CSMD1: variants seen among roughly 807,000 people sequenced by gnomAD.
CSMD1 encodes CUB and sushi domain-containing protein 1.
In CSMD1, 213 loss-of-function variants were observed where a neutral mutation model predicts 417.5. The ratio of observed to expected loss-of-function variants is 0.51; its 90% CI spans 0.46 to 0.57. CSMD1 has a LOEUF of 0.57. Among genes scored for constraint, CSMD1 ranks in the 20% least tolerant of loss-of-function variants. The pLI, the probability that CSMD1 is intolerant of heterozygous loss-of-function variation, is 0.00. For synonymous variants in CSMD1, 2,862 were observed against 1,736.8 expected (o/e 1.65, Z -16.11); for missense variants, 6,923 against 4,529.7 (o/e 1.53, Z -15.17).
intron 2 of CSMD1, among the ~76,000 whole-genome samples, chr8:4,433,517 C>G (rs931730297): frequency 8.5e-5 from 13 of 152,142 alleles, no homozygotes; most frequent in Non-Finnish European, 7.3e-5. Context: ...CAAGGCAGCC[C>G]CAGATCCCCC....
At chr8:4,043,782 T>TTA (rs1798011308) in intron 3 of CSMD1, among the ~76,000 whole-genome samples, 1 of 152,182 alleles carries the variant, frequency 6.6e-6, no homozygotes, top group Non-Finnish European at 1.5e-5. Context: ...CTGGAACGCT[T>TTA]TATATATGGT....
At chr8:4,442,512 C>G (rs372520491) in intron 2 of CSMD1, among the ~76,000 whole-genome samples, 1 of 152,028 alleles carries the variant, frequency 6.6e-6, no homozygotes, top group Non-Finnish European at 1.5e-5. Flanking sequence ...GATGTTATTC[C>G]TTATGTCTGT....
At chr8:3,675,285 G>T (rs558020383) in intron 7 of CSMD1, among the ~76,000 whole-genome samples, 2 of 152,160 alleles carry the variant, frequency 1.3e-5, no homozygotes, top group African/African-American at 4.8e-5. Context: ...CCTGCTCCTG[G>T]AGGGTTGGCA....
Position 4,042,815 on chromosome 8 carries a change from T to TAAAAAAAAAAAAAAAAA in CSMD1, c.416-10733_416-10717dup, listed in dbSNP as rs60411612. Among the ~76,000 whole-genome samples, 319 of 41,302 alleles carry TAAAAAAAAAAAAAAAAA rather than the reference T, an allele frequency of 7.7e-3. 78 individuals are homozygous for TAAAAAAAAAAAAAAAAA. The highest frequency in any genetic ancestry group is 0.048 in the Middle Eastern group (2 of 42). The allele number at this position is 41,302 out of a possible 152,430, so 27.1% of individuals were successfully genotyped here. On this transcript the variant is annotated intron_variant, in intron 3 of 69. Coordinates refer to ENST00000635120, the MANE Select transcript of CSMD1 (RefSeq NM_033225.6). ...CAATAGGTGAAGTGGTACAACATAT[T>TAAAAAAAAAAAAAAAAA]AAAAAAAAAAAAAAAAAAAAAAAAA...
chr8:3,014,397 C>G (rs1808664419), intron 52 of CSMD1, among the ~76,000 whole-genome samples: 1 of 152,118 alleles, frequency 6.6e-6, no homozygotes, highest in Non-Finnish European at 1.5e-5. Flanking sequence ...TTTTTGATAG[C>G]TAGCTTCTTT....
At chr8:4,405,313 GT>G (rs1367608814) in intron 3 of CSMD1, among the ~76,000 whole-genome samples, 6 of 151,648 alleles carry the variant, frequency 4.0e-5, no homozygotes, top group Non-Finnish European at 8.8e-5. Context: ...CTTCCACTTA[GT>G]TTTTTTCTCA....
intron 36 of CSMD1, among the ~76,000 whole-genome samples, chr8:3,182,611 TGTGTGTGTG>T (rs1821417570): frequency 1.6e-5 from 1 of 63,890 alleles, no homozygotes; most frequent in Non-Finnish European, 5.1e-5. Context: ...TGTGTGTGTG[TGTGTGTGTG>T]TGTGTGTGTG....
intron 3 of CSMD1, among the ~76,000 whole-genome samples, chr8:4,379,849 A>G (rs985966073): frequency 3.3e-5 from 5 of 152,194 alleles, no homozygotes; most frequent in African/African-American, 1.2e-4. Context: ...GATCCCTGCT[A>G]GGAGACAGTG....
chr8:3,201,843 TA>T (rs5888954), intron 31 of CSMD1, 118 bp from the exon 32 acceptor site: 411,930 of 448,036 alleles, frequency 0.92, 190,238 homozygotes, highest in Non-Finnish European at 0.95. Context: ...AAGAATTTGG[TA>T]AAAAAATAAA....
intron 1 of CSMD1, among the ~76,000 whole-genome samples, chr8:4,759,911 T>G (rs1438487809): frequency 6.6e-6 from 1 of 152,228 alleles, no homozygotes; most frequent in African/African-American, 2.4e-5. Flanking sequence ...GACTTATATT[T>G]CTTTGGGTAT....
intron 5 of CSMD1, among the ~76,000 whole-genome samples, chr8:3,922,506 G>A (rs1270755116): frequency 6.6e-6 from 1 of 151,852 alleles, no homozygotes; most frequent in Admixed American, 6.6e-5. Flanking sequence ...TGTATTCATA[G>A]GCTTTGATTC....
intron 5 of CSMD1, among the ~76,000 whole-genome samples, chr8:3,856,074 T>C (rs1030317970): frequency 6.6e-6 from 1 of 152,168 alleles, no homozygotes; most frequent in Admixed American, 6.6e-5. Flanking sequence ...GGTTTGGATC[T>C]GTGTTCCCAC....
rs573840332 is a variant in CSMD1, at chr8:3,310,629, G to C, written c.3632-2126C>G. ...AAATCGGGGTGTAAAAAACTTTTGA[G>C]TTCAGCATCTATCCCTATGATCAGT... On this transcript the variant is annotated intron_variant, in intron 23 of 69. Transcript: ENST00000635120. Among the ~76,000 whole-genome samples the C allele has an allele frequency of 6.6e-5, 10 of 152,304 alleles. No homozygotes were observed. In the East Asian group the frequency reaches 1.7e-3, roughly 26 times the overall value.
intron 5 of CSMD1, among the ~76,000 whole-genome samples, chr8:3,881,307 T>C (rs1463078130): frequency 3.3e-5 from 5 of 150,628 alleles, no homozygotes; most frequent in South Asian, 4.2e-4. Flanking sequence ...AATATTTCCA[T>C]TGAAGCAAAG....
At chr8:3,959,013 C>G (rs1157471880) in intron 5 of CSMD1, among the ~76,000 whole-genome samples, 1 of 152,208 alleles carries the variant, frequency 6.6e-6, no homozygotes, top group Non-Finnish European at 1.5e-5. Context: ...CTCCTCCCTA[C>G]TCTGCGGCGG....
intron 2 of CSMD1, among the ~76,000 whole-genome samples, chr8:4,523,272 G>A (rs1388573446): frequency 6.6e-6 from 1 of 152,144 alleles, no homozygotes; most frequent in Admixed American, 6.5e-5. Context: ...CAAATCATTT[G>A]CCATACCTGG....
At chr8:3,729,883 C>G (rs1370968011) in intron 6 of CSMD1, among the ~76,000 whole-genome samples, 1 of 133,298 alleles carries the variant, frequency 7.5e-6, no homozygotes, top group Admixed American at 8.4e-5. Context: ...TCACACTGTA[C>G]TCCCCAAATC....
intron 1 of CSMD1, among the ~76,000 whole-genome samples, chr8:4,795,391 C>T (rs969740702): frequency 6.7e-6 from 1 of 149,192 alleles, no homozygotes; most frequent in Non-Finnish European, 1.5e-5. Context: ...CCTGCCTCAG[C>T]CTTCCGAGTA....
intron 29 of CSMD1, 25 bp downstream of exon 29, chr8:3,219,230 A>G (rs967620633): frequency 3.2e-6 from 5 of 1,556,324 alleles, no homozygotes; most frequent in Non-Finnish European, 4.4e-6. Flanking sequence ...ATTAATTCCC[A>G]CTCAAATTCA....
Sources: allele counts gnomAD v4.1 joint callset (sites outside exome capture counted in the v4.1 genomes callset), GRCh38; gene constraint gnomAD v4.1.1; transcripts MANE v1.5; gene names NCBI Gene and HGNC (gene_info 2026-07-23, HGNC 2026-07-21).